WWOX: variants seen among roughly 807,000 people sequenced by gnomAD.
The protein encoded by WWOX is WW domain containing oxidoreductase, also known as WW domain-containing oxidoreductase.
Under a neutral mutation model 46.2 loss-of-function variants are expected in WWOX, and 69 were observed. That is an observed-to-expected ratio of 1.49 (90% CI 1.23 to 1.82). WWOX has a LOEUF of 1.82. WWOX is among the 40% of genes most tolerant of loss of function. The probability of loss-of-function intolerance (pLI) is 0.00; values close to 1 mark genes in which losing one functional copy is unlikely to be tolerated. For synonymous variants in WWOX, 359 were observed against 202.6 expected (o/e 1.77, Z -6.56); for missense variants, 919 against 542.6 (o/e 1.69, Z -6.89).
At chr16:79,139,314 G>A (rs998457916) in intron 8 of WWOX, among the ~76,000 whole-genome samples, 1 of 152,176 alleles carries the variant, frequency 6.6e-6, no homozygotes, top group Non-Finnish European at 1.5e-5. Context: ...TCCAGCTACA[G>A]AAGCAAAGTG....
chr16:78,967,070 C>T (rs2046375093), intron 8 of WWOX, among the ~76,000 whole-genome samples: 1 of 152,118 alleles, frequency 6.6e-6, no homozygotes, highest in Non-Finnish European at 1.5e-5. Context: ...CCTTTCTTTT[C>T]TCTTCTAGAA....
intron 8 of WWOX, among the ~76,000 whole-genome samples, chr16:78,881,631 T>A (rs893876024): frequency 6.6e-6 from 1 of 152,204 alleles, no homozygotes; most frequent in Admixed American, 6.5e-5. Flanking sequence ...TTGCTTTGTA[T>A]TACATTCTTC....
chr16:78,932,957 A>G (rs1342249242), intron 8 of WWOX, among the ~76,000 whole-genome samples: 1 of 152,174 alleles, frequency 6.6e-6, no homozygotes. Flanking sequence ...TCTGGTTGAA[A>G]CATCAGTGTT....
At chr16:78,496,394 G>C (rs764257196) in intron 8 of WWOX, 1 of 152,214 alleles carries the variant, frequency 6.6e-6, no homozygotes, top group African/African-American at 2.4e-5. Context: ...TGTCCTTGTC[G>C]TGTTGACCTT....
chr16:78,257,507 T>C (rs1250707681), intron 5 of WWOX, among the ~76,000 whole-genome samples: 1 of 152,078 alleles, frequency 6.6e-6, no homozygotes, highest in East Asian at 1.9e-4. Context: ...TCAAACAATA[T>C]AAATCACCAG....
chr16:79,044,309 C>T (rs2048027151), intron 8 of WWOX, among the ~76,000 whole-genome samples: 2 of 152,106 alleles, frequency 1.3e-5, no homozygotes, highest in African/African-American at 2.4e-5. Context: ...TTGTCCCTGC[C>T]CAAAGCTCAT....
At chr16:78,648,400 T>A (rs1377431031) in intron 8 of WWOX, among the ~76,000 whole-genome samples, 2 of 152,136 alleles carry the variant, frequency 1.3e-5, no homozygotes, top group Admixed American at 1.3e-4. Flanking sequence ...TTTGTCAAGA[T>A]CATTTTTGCA....
At chr16:78,644,181 C>G (rs1365883902) in intron 8 of WWOX, among the ~76,000 whole-genome samples, 2 of 152,038 alleles carry the variant, frequency 1.3e-5, no homozygotes, top group Non-Finnish European at 2.9e-5. Flanking sequence ...GAGATCACGC[C>G]ATTGCACTCC....
At chr16:78,935,749 G>T (rs543967841) in intron 8 of WWOX, among the ~76,000 whole-genome samples, 158 of 151,658 alleles carry the variant, frequency 1.0e-3, no homozygotes, top group African/African-American at 3.5e-3. Context: ...AGAACTTAAA[G>T]TATAAAAAAA....
intron 5 of WWOX, among the ~76,000 whole-genome samples, chr16:78,299,571 T>G (rs1267976049): frequency 6.6e-6 from 1 of 150,790 alleles, no homozygotes; most frequent in African/African-American, 2.4e-5. Context: ...CAGCCTGGAG[T>G]GCAGTGGCGA....
chr16:78,332,172 C>A (rs948256968), intron 5 of WWOX, among the ~76,000 whole-genome samples: 3 of 152,096 alleles, frequency 2.0e-5, no homozygotes, highest in African/African-American at 4.8e-5. Context: ...ATGTCTTTCC[C>A]CACCCCAAGC....
At chr16:78,802,316 A>G (rs1343845672) in intron 8 of WWOX, among the ~76,000 whole-genome samples, 1 of 147,976 alleles carries the variant, frequency 6.8e-6, no homozygotes, top group South Asian at 2.1e-4. Flanking sequence ...GCAATGCTAT[A>G]GGACACAGAA....
chr16:78,551,309 C>G (rs1023041414), intron 8 of WWOX: 2 of 152,258 alleles, frequency 1.3e-5, no homozygotes, highest in Admixed American at 6.5e-5. Flanking sequence ...GTCTTCCAAA[C>G]TTTTGTGTAG....
chr16:78,428,586 G>C (rs1275289453), intron 7 of WWOX, among the ~76,000 whole-genome samples: 1 of 152,128 alleles, frequency 6.6e-6, no homozygotes, highest in African/African-American at 2.4e-5. Context: ...CTTTTGACTT[G>C]TTTCTAGATT....
At chr16:78,966,178 G>C (rs892958745) in intron 8 of WWOX, among the ~76,000 whole-genome samples, 1 of 152,066 alleles carries the variant, frequency 6.6e-6, no homozygotes, top group Non-Finnish European at 1.5e-5. Context: ...TTATTTTTCC[G>C]TGTGAAATAT....
At chr16:78,743,567 A>C (rs528399972) in intron 8 of WWOX, among the ~76,000 whole-genome samples, 29 of 152,256 alleles carry the variant, frequency 1.9e-4, no homozygotes, top group Non-Finnish European at 3.4e-4. Context: ...GAAAACACCA[A>C]CTTTCCACAA....
intron 8 of WWOX, among the ~76,000 whole-genome samples, chr16:78,633,886 C>G (rs373776161): frequency 6.6e-5 from 10 of 151,644 alleles, no homozygotes; most frequent in African/African-American, 1.9e-4. Context: ...GGGGAGGAAC[C>G]ATCTGAGGTG....
At chr16:78,209,071 G>A (rs1597354407) in intron 5 of WWOX, among the ~76,000 whole-genome samples, 1 of 152,156 alleles carries the variant, frequency 6.6e-6, no homozygotes, top group Non-Finnish European at 1.5e-5. Context: ...TATGTGTAAT[G>A]TCTATTTCAT....
chr16:78,618,194 T>G (rs1426518478), intron 8 of WWOX, among the ~76,000 whole-genome samples: 12 of 152,210 alleles, frequency 7.9e-5, no homozygotes, highest in Admixed American at 7.2e-4. Flanking sequence ...TCTCACTGAT[T>G]CTAAAGTCCT....
Sources: gnomAD v4.1 joint callset for allele counts (sites outside exome capture counted in the v4.1 genomes callset) on GRCh38, gnomAD v4.1.1 for gene constraint, MANE v1.5 for transcripts, NCBI Gene and HGNC (gene_info 2026-07-23, HGNC 2026-07-21) for gene names.